NFE2L3: variants seen among roughly 807,000 people sequenced by gnomAD.
NFE2L3 encodes nuclear factor erythroid 2-related factor 3.
A neutral mutation model predicts 23.5 loss-of-function variants in NFE2L3; 18 were observed. The ratio of observed to expected loss-of-function variants is 0.77; its 90% CI spans 0.53 to 1.13. The LOEUF is 1.13. Ranked by LOEUF, NFE2L3 falls within the 50% of genes most tolerant of loss-of-function variation. NFE2L3 has a pLI of 0.00. For synonymous variants in NFE2L3, 424 were observed against 354.5 expected, an observed-to-expected ratio of 1.20 and a Z score of -2.20; for missense variants, 1,152 against 877.2, an observed-to-expected ratio of 1.31 and a Z score of -3.96.
chr7:26,182,238 T>C (rs1336215157), intron 2 of NFE2L3, among the ~76,000 whole-genome samples: 4 of 151,992 alleles, frequency 2.6e-5, no homozygotes, highest in Admixed American at 2.6e-4. Context: ...AACTTACCAG[T>C]AGTAATAAAT....
At chr7:26,157,549 A>G (rs1784100258) in intron 1 of NFE2L3, among the ~76,000 whole-genome samples, 1 of 152,314 alleles carries the variant, frequency 6.6e-6, no homozygotes, top group Middle Eastern at 3.4e-3. Flanking sequence ...ACTCCTGGGC[A>G]ATTGGACAAG....
Position 26,184,661 on chromosome 7 carries a change from T to TTG in NFE2L3, c.965_966dup (p.Pro323ValfsTer24). 6.2e-7 allele frequency: 1 copy of TTG among 1,613,946 alleles called. No homozygotes were observed. Among genetic ancestry groups the TTG allele is most frequent in the Non-Finnish European group, 8.5e-7 (1 of 1,179,858 alleles). ...TGAATCTTCATGAGGCCATCTTGCT[T>TTG]TGTCCCAACAATACATTTAGAAGAG... On this transcript the variant is annotated frameshift_variant, in exon 4 of 4. Transcript: ENST00000056233. LOFTEE classifies it low-confidence loss of function (END_TRUNC).
rs770309699 is a variant in NFE2L3 at position 26,186,064 on chromosome 7, CTT to C, written c.*283_*284del. On this transcript the variant is annotated 3_prime_UTR_variant, in exon 4 of 4. Transcript: ENST00000056233. ...AGGTTAACATGAAAACCCAGTAAGACTTTCCATCTTGGCAGCCATCCTTTTTA... is the reference window on the plus strand; with the variant it reads ...AGGTTAACATGAAAACCCAGTAAGACTCCATCTTGGCAGCCATCCTTTTTA... 7 of 258,116 alleles carry C rather than the reference CTT, an allele frequency of 2.7e-5. No homozygotes were observed. The highest frequency in any genetic ancestry group is 1.6e-4 in the African/African-American group (7 of 45,104). The allele number at this position is 258,116 out of a possible 1,614,324, so 16.0% of individuals were successfully genotyped here. A position where few individuals can be genotyped will look rare whatever the true frequency, so the allele number is the denominator to read the frequency against.
At chr7:26,153,404 T>TG (rs778659719) in intron 1 of NFE2L3, among the ~76,000 whole-genome samples, 1 of 152,302 alleles carries the variant, frequency 6.6e-6, no homozygotes. Flanking sequence ...TCATGTACAC[T>TG]GGGGTGTCGT....
chr7:26,185,245 G>A lies in NFE2L3; in HGVS notation c.1547G>A (p.Trp516Ter), dbSNP rs138477782. 1 of 1,614,000 alleles carries A rather than the reference G, an allele frequency of 6.2e-7. No individual in the cohort carries two copies. Among genetic ancestry groups the A allele is most frequent in the East Asian group, 2.2e-5 (1 of 44,884 alleles). The change falls in exon 4 of 4, where the codon TGG (tryptophan) becomes TAG (stop). Residue 516 changes from tryptophan to a stop codon, truncating the protein, a stop_gained. Transcript: ENST00000056233. LOFTEE classifies it low-confidence loss of function (END_TRUNC). ...APESTSEPFP[W>*]PGKSQKIRSR... ...GAATCTACTTCTGAACCTTTTCCGT[G>A]GCCTGGGAAGTCACAGAAGATAAGG...
chr7:26,171,176 C>T (rs905819395), intron 1 of NFE2L3, among the ~76,000 whole-genome samples: 10 of 152,160 alleles, frequency 6.6e-5, no homozygotes, highest in South Asian at 2.1e-4. Flanking sequence ...TACTTGCACA[C>T]GTGTGCAAAG....
intron 2 of NFE2L3, among the ~76,000 whole-genome samples, chr7:26,182,235 C>T (rs753868756): frequency 6.6e-6 from 1 of 151,880 alleles, no homozygotes; most frequent in Non-Finnish European, 1.5e-5. Context: ...GCAAACTTAC[C>T]AGTAGTAATA....
At chr7:26,179,499 CAAAA>C (rs201128349) in intron 2 of NFE2L3, among the ~76,000 whole-genome samples, 7 of 96,600 alleles carry the variant, frequency 7.2e-5, no homozygotes, top group Admixed American at 1.1e-4. Context: ...GACCCTGTCT[CAAAA>C]AAAAAAAAAA....
At chr7:26,181,668 T>C (rs1232134879) in intron 2 of NFE2L3, among the ~76,000 whole-genome samples, 2 of 152,100 alleles carry the variant, frequency 1.3e-5, no homozygotes, top group Admixed American at 6.5e-5. Context: ...TAAATAGCCA[T>C]GAGTCAGCAT....
At chr7:26,182,277 A>G (rs1784530197) in intron 2 of NFE2L3, among the ~76,000 whole-genome samples, 1 of 151,776 alleles carries the variant, frequency 6.6e-6, no homozygotes, top group African/African-American at 2.4e-5. Flanking sequence ...GAGGGAAAAC[A>G]TTAAACCTTA....
chr7:26,177,925 A>G lies in NFE2L3; in HGVS notation c.571-18A>G, dbSNP rs767410920. On this transcript the variant is annotated intron_variant, in intron 1 of 3. Coordinates refer to ENST00000056233, the MANE Select transcript of NFE2L3 (RefSeq NM_004289.7). ...TAAAGACTGTTTGCTTATTTGATGAAATTTCGTACTTTTATAGGAGAATGG... is the reference window on the plus strand; with the variant it reads ...TAAAGACTGTTTGCTTATTTGATGAGATTTCGTACTTTTATAGGAGAATGG... The G allele has an allele frequency of 5.0e-6, 8 of 1,602,054 alleles. No homozygotes were observed. Among genetic ancestry groups the G allele is most frequent in the Non-Finnish European group, 6.8e-6 (8 of 1,175,186 alleles).
intron 1 of NFE2L3, among the ~76,000 whole-genome samples, chr7:26,172,135 A>G (rs1053063503): frequency 1.8e-4 from 28 of 152,268 alleles, no homozygotes; most frequent in Non-Finnish European, 3.7e-4. Context: ...TGAAAATATT[A>G]AAGTTTATAT....
rs1210451218 is a variant in NFE2L3 at position 26,185,014 on chromosome 7, A to T, written c.1316A>T (p.His439Leu). 2 of 1,613,532 alleles carry T rather than the reference A, an allele frequency of 1.2e-6. No homozygotes were observed. Among genetic ancestry groups the T allele is most frequent in the African/African-American group, 1.3e-5 (1 of 74,830 alleles). The change falls in exon 4 of 4, where the codon CAC becomes CTC. Residue 439 changes from histidine (H) to leucine (L), a missense_variant. By Grantham distance (99) the His-to-Leu change is moderately conservative. Coordinates refer to ENST00000056233, the MANE Select transcript of NFE2L3 (RefSeq NM_004289.7). Reference protein sequence around the residue: ...NTSVIKSNSSHSVCDEGAIGY... With the variant: ...NTSVIKSNSSLSVCDEGAIGY... ...TCTGTCATCAAGTCTAATTCCTCTC[A>T]CTCTGTGTGTGATGAAGGTGCTATA...
chr7:26,174,883 A>T (rs1257328587), intron 1 of NFE2L3: 1 of 152,232 alleles, frequency 6.6e-6, no homozygotes, highest in Non-Finnish European at 1.5e-5. Context: ...AACTATCTGA[A>T]TATGCAGTAC....
chr7:26,158,236 C>T (rs374527816), intron 1 of NFE2L3, among the ~76,000 whole-genome samples: 16 of 151,902 alleles, frequency 1.1e-4, no homozygotes, highest in African/African-American at 3.1e-4. Flanking sequence ...TTTGTAGAGA[C>T]GAGGGTTTTG....
chr7:26,157,613 T>G (rs1784101317), intron 1 of NFE2L3, among the ~76,000 whole-genome samples: 1 of 152,218 alleles, frequency 6.6e-6, no homozygotes, highest in South Asian at 2.1e-4. Context: ...GTTACGGAAA[T>G]AGTCTTATAA....
chr7:26,152,407 GGCGGCGC>G lies in NFE2L3; in HGVS notation c.-87_-81del, dbSNP rs1784009846. 1.1e-6 allele frequency: 1 copy of G among 933,256 alleles called. No homozygotes were observed. The highest frequency in any genetic ancestry group is 5.2e-5 in the South Asian group (1 of 19,130). The allele number at this position is 933,256 out of a possible 1,614,324, so 57.8% of individuals were successfully genotyped here. The stretch of plus-strand genomic sequence containing the variant: ...CTTATCTGGGTTCCAGGCAGGTGCG[GGCGGCGC>G]GCGGGGTCCGCACGTGTCACCCCGG... On this transcript the variant is annotated 5_prime_UTR_variant, in exon 1 of 4. Coordinates refer to ENST00000056233, the MANE Select transcript of NFE2L3 (RefSeq NM_004289.7). This position sits in a 1 kb window ranked among gnomAD's most constrained non-coding sequence, Gnocchi z 4.4.
chr7:26,168,662 G>A (rs762479856), intron 1 of NFE2L3, among the ~76,000 whole-genome samples: 2 of 151,526 alleles, frequency 1.3e-5, no homozygotes, highest in African/African-American at 4.8e-5. Context: ...TTGGAATTGC[G>A]AATTGTGCTG....
chr7:26,172,905 C>T (rs959534475), intron 1 of NFE2L3, among the ~76,000 whole-genome samples: 1 of 152,088 alleles, frequency 6.6e-6, no homozygotes, highest in Admixed American at 6.5e-5. Context: ...TACTTTGAGA[C>T]TCTTTAAGTA....
Sources: allele counts gnomAD v4.1 joint callset (sites outside exome capture counted in the v4.1 genomes callset), GRCh38; gene constraint gnomAD v4.1.1; non-coding constraint Gnocchi (gnomAD v3.1); transcripts MANE v1.5; gene names NCBI Gene and HGNC (gene_info 2026-07-23, HGNC 2026-07-21).